The following PIEZO1 variants were observed in gnomAD, a reference collection of about 807,000 sequenced individuals.
PIEZO1 encodes the protein piezo-type mechanosensitive ion channel component 1.
In PIEZO1, 296 loss-of-function variants were observed where a neutral mutation model predicts 297.2. That is an observed-to-expected ratio of 1.00 (90% CI 0.91 to 1.10). The LOEUF (loss-of-function observed/expected upper bound fraction) is 1.10. PIEZO1 is among the 50% of genes least tolerant of loss of function. The pLI, the probability that PIEZO1 is intolerant of heterozygous loss-of-function variation, is 0.00. For synonymous variants in PIEZO1, 2,427 were observed against 1,507.5 expected (o/e 1.61, Z -14.13); for missense variants, 5,018 against 3,455.5 (o/e 1.45, Z -11.34).
chr16:88,738,568 C>T lies in PIEZO1; in HGVS notation c.634G>A (p.Gly212Ser), dbSNP rs1418962324. ...CAGTGCCCCCTGCCTCGGTGCGTAC[C>T]TGCCAGTGCAAGCAGTGTTACGGCC... The part of the protein sequence containing the change: ...VLAVTLLALA[G>S]IAHPSALSSV... Residue 212 changes from glycine (G) to serine (S), a missense_variant and splice_region_variant, in exon 6 of 51, where the codon GGC (glycine) becomes AGC (serine). Gly to Ser is a moderately conservative substitution (Grantham distance 56). Transcript: ENST00000301015. 3 of 1,534,934 alleles carry T rather than the reference C, an allele frequency of 2.0e-6. No homozygotes were observed. The highest frequency in any genetic ancestry group is 4.9e-5 in the East Asian group (2 of 40,890).
chr16:88,726,151 G>C (rs1276170887), intron 27 of PIEZO1, 133 bp downstream of exon 27: 8 of 716,168 alleles, frequency 1.1e-5, no homozygotes, highest in Non-Finnish European at 1.4e-5. Flanking sequence ...TCTCCCTCTA[G>C]ATGACACGCC....
At chr16:88,717,718 G>A (rs1912151901) in intron 44 of PIEZO1, 1 of 439,202 alleles carries the variant, frequency 2.3e-6, no homozygotes, top group African/African-American at 2.0e-5. Flanking sequence ...CATAGAATTG[G>A]AGAAATTTTC....
rs543368793 is a variant in PIEZO1, at chr16:88,737,610, TATC to T, written c.1141_1143del (p.Asp381del). On this transcript the variant is annotated inframe_deletion, in exon 10 of 51. Transcript: ENST00000301015. ...CCGGTCAGCTCGTGCACGATGCAGTTATCAGCCTCGGTGTCGGGTGCTGTGGGC... is the reference window on the plus strand; with the variant it reads ...CCGGTCAGCTCGTGCACGATGCAGTTAGCCTCGGTGTCGGGTGCTGTGGGC... 7.0e-4 allele frequency: 1,074 copies of T among 1,534,938 alleles called. 6 individuals are homozygous for T. In the African/African-American group the frequency reaches 0.013, roughly 18 times the overall value.
intron 36 of PIEZO1, 74 bp downstream of exon 36, chr16:88,722,144 T>G (rs1904283924): frequency 7.2e-6 from 11 of 1,521,024 alleles, no homozygotes; most frequent in Non-Finnish European, 9.7e-6. Flanking sequence ...CCGGTCACAG[T>G]CAGTCTCCTG....
rs535000482 is a variant in PIEZO1 at position 88,783,097 on chromosome 16, G to C, written c.64+1804C>G. 1.9e-4 allele frequency among the ~76,000 whole-genome samples: 29 copies of C among 152,298 alleles called. 1 individual carries two copies. In the South Asian group the frequency reaches 4.1e-3, roughly 22 times the overall value. On this transcript the variant is annotated intron_variant, in intron 1 of 50. Coordinates refer to ENST00000301015, the MANE Select transcript of PIEZO1 (RefSeq NM_001142864.4). ...TAAAAGTTTCATAGAAGACTGACAC[G>C]GGGCCTGGGTGAGCACCCCTGGGCT...
At chr16:88,734,820 G>A in intron 14 of PIEZO1, 22 bp from the exon 15 acceptor site, 1 of 1,550,244 alleles carries the variant, frequency 6.5e-7, no homozygotes, top group African/African-American at 1.4e-5. Context: ...GGTGGGGGTG[G>A]TGAGGACCGC....
chr16:88,739,861 TGGCCC>T (rs1905523163), intron 5 of PIEZO1: 1 of 152,058 alleles, frequency 6.6e-6, no homozygotes, highest in African/African-American at 2.4e-5. Flanking sequence ...GCCCTGGCCC[TGGCCC>T]TGGGAAATCT....
At chr16:88,729,492 A>T (rs1314456096) in intron 22 of PIEZO1, among the ~76,000 whole-genome samples, 1 of 117,572 alleles carries the variant, frequency 8.5e-6, no homozygotes, top group African/African-American at 3.0e-5. Context: ...CGACACAAAA[A>T]CAAAGTGACC....
In PIEZO1 at chr16:88,731,747, T is replaced by G; in HGVS notation, c.3155A>C (p.Gln1052Pro). ...CLFLALFLLYQYLLCLGMPPA... is the reference protein window; with the variant it reads ...CLFLALFLLYPYLLCLGMPPA... ...GGGCATCCCCAGGCACAGCAGGTAC[T>G]GGTACAGCAGGAACAGCGCCAGGAA... Residue 1052 changes from glutamine to proline, a missense_variant, in exon 22 of 51, where the codon CAG (glutamine) becomes CCG (proline). Transcript: ENST00000301015. 6.5e-7 allele frequency: 1 copy of G among 1,549,660 alleles called. No homozygotes were observed. Among genetic ancestry groups the G allele is most frequent in the Non-Finnish European group, 8.7e-7 (1 of 1,146,744 alleles).
rs1363765692 is a variant in PIEZO1 at position 88,720,248 on chromosome 16, T to C, written c.5985A>G (p.Leu1995=). ...HSAATDITSS[L]SDDQVPEAFL... is the part of the protein sequence containing the mutation. ...AAGCCTCGGGTACCTGGTCGTCTGA[T>C]AGGGAGGACGTGATGTCTGTGGCCG... The change falls in exon 42 of 51, where the codon CTA becomes CTG. Residue 1995 remains leucine, a synonymous_variant. Coordinates refer to ENST00000301015, the MANE Select transcript of PIEZO1 (RefSeq NM_001142864.4). 1.9e-6 allele frequency: 3 copies of C among 1,550,286 alleles called. No individual in the cohort carries two copies. The highest frequency in any genetic ancestry group is 8.7e-7 in the Non-Finnish European group (1 of 1,146,952).
intron 39 of PIEZO1, 117 bp downstream of exon 39, chr16:88,721,049 G>T: frequency 1.8e-6 from 2 of 1,094,790 alleles, no homozygotes; most frequent in Non-Finnish European, 2.5e-6. Flanking sequence ...GCACCTTCCT[G>T]GGATCCAGGT....
chr16:88,742,230 G>C, intron 3 of PIEZO1, 70 bp downstream of exon 3: 1 of 1,502,332 alleles, frequency 6.7e-7, no homozygotes, highest in South Asian at 1.2e-5. Context: ...CAGGAGACTC[G>C]GGGTCACTGC....
intron 19 of PIEZO1, chr16:88,733,007 C>T: frequency 5.2e-6 from 3 of 582,040 alleles, no homozygotes; most frequent in South Asian, 4.3e-5. Context: ...CTGTCTCTCC[C>T]TGTCCAGGGG....
At position 88,737,635 on chromosome 16, in the gene PIEZO1, G is replaced by A. The variant is rs1348146420; in HGVS notation, c.1119C>T (p.Pro373=). Residue 373 remains proline (P), a synonymous_variant, in exon 10 of 51, where the codon CCC becomes CCT. Coordinates refer to ENST00000301015, the MANE Select transcript of PIEZO1 (RefSeq NM_001142864.4). ...QERESDQHVV[P]TAPDTEADNC... ...TATCAGCCTCGGTGTCGGGTGCTGTGGGCACCACGTGCTGTGGGCAAGCAG... is the reference window on the plus strand; with the variant it reads ...TATCAGCCTCGGTGTCGGGTGCTGTAGGCACCACGTGCTGTGGGCAAGCAG... 16 of 1,534,602 alleles carry A rather than the reference G, an allele frequency of 1.0e-5. No homozygotes were observed. Among genetic ancestry groups the A allele is most frequent in the Non-Finnish European group, 1.3e-5 (15 of 1,146,170 alleles).
chr16:88,717,271 C>A, intron 44 of PIEZO1, 60 bp from the exon 45 acceptor site: 1 of 1,455,880 alleles, frequency 6.9e-7, no homozygotes, highest in Non-Finnish European at 9.3e-7. Flanking sequence ...GTCACACAAC[C>A]GCATTCTCCA....
At chr16:88,730,956 C>A (rs548835394) in intron 22 of PIEZO1, among the ~76,000 whole-genome samples, 5 of 152,382 alleles carry the variant, frequency 3.3e-5, no homozygotes, top group African/African-American at 1.2e-4. Context: ...CCAGTGCCAA[C>A]AGGCTGGGTG....
intron 22 of PIEZO1, chr16:88,731,299 G>A (rs914745797): frequency 4.1e-5 from 9 of 221,902 alleles, no homozygotes; most frequent in East Asian, 1.2e-4. Context: ...GCCAGGAGAC[G>A]GGACCACGGG....
At position 88,741,477 on chromosome 16, in the gene PIEZO1, C is replaced by T; in HGVS notation, c.465+1G>A. 3 of 1,534,354 alleles carry T rather than the reference C, an allele frequency of 2.0e-6. No individual in the cohort carries two copies. The highest frequency in any genetic ancestry group is 2.6e-6 in the Non-Finnish European group (3 of 1,145,914). ...CACACGGGTGACGCAGCTGCCCTCA[C>T]CAGCTCCCGTGGATGTGGGCTCTGC... On this transcript the variant is annotated splice_donor_variant, in intron 5 of 50. Coordinates refer to ENST00000301015, the MANE Select transcript of PIEZO1 (RefSeq NM_001142864.4). LOFTEE classifies it high-confidence loss of function.
Position 88,741,532 on chromosome 16 carries a change from G to A in PIEZO1, c.411C>T (p.Gly137=). 1.3e-6 allele frequency: 2 copies of A among 1,535,726 alleles called. No individual in the cohort carries two copies. The highest frequency in any genetic ancestry group is 2.4e-5 in the South Asian group (2 of 84,046). Residue 137 remains glycine, a synonymous_variant, in exon 5 of 51, where the codon GGC becomes GGT. Transcript: ENST00000301015. The part of the protein sequence containing the change: ...GILVVSSVCL[G]ICGRLARNTR... Reference sequence around the variant, plus strand: ...TGTTCCTTGCAAGGCGCCCGCAGATGCCGAGGCAGACAGAGGAGACCACCA... The same window carrying A: ...TGTTCCTTGCAAGGCGCCCGCAGATACCGAGGCAGACAGAGGAGACCACCA...
Sources: gnomAD v4.1 joint callset for allele counts (sites outside exome capture counted in the v4.1 genomes callset) on GRCh38, gnomAD v4.1.1 for gene constraint, MANE v1.5 for transcripts, NCBI Gene and HGNC (gene_info 2026-07-23, HGNC 2026-07-21) for gene names.